Variants in OSBPL9 observed in about 807,000 individuals in gnomAD.
OSBPL9 encodes the protein oxysterol-binding protein-related protein 9.
In OSBPL9, 40 loss-of-function variants were observed where a neutral mutation model predicts 106.6. That is an observed-to-expected ratio of 0.38 (90% CI 0.29 to 0.49). The LOEUF (loss-of-function observed/expected upper bound fraction) is 0.49, where lower values mean the gene tolerates loss of function less well. OSBPL9 is among the 20% of genes least tolerant of loss of function. The pLI is 0.97. For missense variants in OSBPL9, 609 were observed against 887.2 expected, an observed-to-expected ratio of 0.69 and a Z score of 3.98; for synonymous variants, 269 against 295.4, an observed-to-expected ratio of 0.91 and a Z score of 0.92.
At chr1:51,653,156 G>A (rs549225447) in intron 2 of OSBPL9, among the ~76,000 whole-genome samples, 1 of 152,020 alleles carries the variant, frequency 6.6e-6, no homozygotes, top group South Asian at 2.1e-4. Flanking sequence ...GTATATATGT[G>A]ATAGCACAAA....
In OSBPL9 at chr1:51,588,489, G is replaced by T. The variant is rs113262490; in HGVS notation, c.-422-9635G>T. ...GTCTGGGCCACATAGCAAGACCCCT[G>T]TCTCTACTAAAAATTAAAAAATTAG... On this transcript the variant is annotated intron_variant, in intron 1 of 25. Transcript: ENST00000371714. Among the ~76,000 whole-genome samples the T allele has an allele frequency of 1.5e-3, 232 of 152,236 alleles. 1 individual carries two copies. The highest frequency in any genetic ancestry group is 5.2e-3 in the African/African-American group (216 of 41,554).
chr1:51,527,899 G>A, the OSBPL9 span, among the ~76,000 whole-genome samples: 1 of 151,532 alleles, frequency 6.6e-6, no homozygotes, highest in African/African-American at 2.4e-5. Flanking sequence ...GAGCACTTGA[G>A]GTCAGGAGTT....
chr1:51,608,225 C>T (rs1193812713), intron 2 of OSBPL9, among the ~76,000 whole-genome samples: 5 of 152,172 alleles, frequency 3.3e-5, no homozygotes, highest in African/African-American at 1.2e-4. Context: ...GATCATCAGC[C>T]TCAAGTGTCT....
rs1467059448 is a variant in OSBPL9 at position 51,659,480 on chromosome 1, A to C, written c.162+7439A>C. ...TGAGAATTAATGATCTAAACATTAA[A>C]ATTTTAAAATTAGGTAAAGAAAAGA... On this transcript the variant is annotated intron_variant, in intron 2 of 23. Coordinates refer to ENST00000428468, the MANE Select transcript of OSBPL9 (RefSeq NM_024586.6). Among the ~76,000 whole-genome samples the C allele has an allele frequency of 2.1e-4, 32 of 152,088 alleles. 1 individual carries two copies. Among genetic ancestry groups the C allele is most frequent in the Non-Finnish European group, 2.9e-5 (2 of 67,948 alleles).
chr1:51,570,122 C>T, the OSBPL9 span, among the ~76,000 whole-genome samples: 1 of 152,200 alleles, frequency 6.6e-6, no homozygotes, highest in Non-Finnish European at 1.5e-5. Context: ...CGAGGCTCCC[C>T]TGGGTGACCA....
intron 4 of OSBPL9, among the ~76,000 whole-genome samples, chr1:51,723,614 A>T (rs1313782975): frequency 6.6e-6 from 1 of 151,176 alleles, no homozygotes; most frequent in East Asian, 2.0e-4. Context: ...TGGCCCAATC[A>T]TAGCTCATTG....
chr1:51,782,471 G>C, intron 16 of OSBPL9, 88 bp from the exon 17 acceptor site: 1 of 1,028,480 alleles, frequency 9.7e-7, no homozygotes, highest in Middle Eastern at 2.2e-4. Flanking sequence ...GGTGTGTGTA[G>C]AGCGAGCAGA....
intron 2 of OSBPL9, among the ~76,000 whole-genome samples, chr1:51,608,687 G>GC (rs1643965746): frequency 1.3e-5 from 2 of 151,322 alleles, no homozygotes; most frequent in Non-Finnish European, 2.9e-5. Flanking sequence ...TGGGGGGGGG[G>GC]GCTTTCCTGC....
chr1:51,541,376 C>G, the OSBPL9 span, among the ~76,000 whole-genome samples: 2 of 152,202 alleles, frequency 1.3e-5, no homozygotes, highest in Non-Finnish European at 2.9e-5. Context: ...TTGTCATCAT[C>G]TACACTCCAT....
At chr1:51,742,533 A>G (rs1193480133) in intron 4 of OSBPL9, among the ~76,000 whole-genome samples, 1 of 151,134 alleles carries the variant, frequency 6.6e-6, no homozygotes, top group African/African-American at 2.4e-5. Context: ...TTGCGGAGAC[A>G]GGGTCTTGCA....
intron 2 of OSBPL9, among the ~76,000 whole-genome samples, chr1:51,665,868 A>G (rs1330194614): frequency 6.6e-6 from 1 of 151,954 alleles, no homozygotes; most frequent in Non-Finnish European, 1.5e-5. Context: ...GTATATATAT[A>G]TATTTTTTTA....
chr1:51,688,903 C>T (rs911931716), intron 3 of OSBPL9, among the ~76,000 whole-genome samples: 2 of 152,148 alleles, frequency 1.3e-5, no homozygotes, highest in Non-Finnish European at 2.9e-5. Context: ...ATATTAACAG[C>T]TTATGCTAAA....
chr1:51,620,222 A>G (rs772581889), intron 1 of OSBPL9, among the ~76,000 whole-genome samples: 2 of 152,350 alleles, frequency 1.3e-5, no homozygotes, highest in Non-Finnish European at 2.9e-5. Context: ...GCTTATGATC[A>G]CAAAAGAAGA....
At chr1:51,666,007 C>G (rs1648399405) in intron 2 of OSBPL9, among the ~76,000 whole-genome samples, 1 of 152,044 alleles carries the variant, frequency 6.6e-6, no homozygotes, top group Non-Finnish European at 1.5e-5. Flanking sequence ...GCCACCATGC[C>G]TGGCTAATTT....
upstream of OSBPL9, among the ~76,000 whole-genome samples, chr1:51,612,109 G>C (rs540827616): frequency 1.1e-4 from 16 of 152,286 alleles, no homozygotes; most frequent in African/African-American, 2.6e-4. Flanking sequence ...ATTGCTTAGT[G>C]AGTTTTAAAA....
intron 1 of OSBPL9, among the ~76,000 whole-genome samples, chr1:51,648,379 G>T (rs1557636307): frequency 6.6e-6 from 1 of 152,164 alleles, no homozygotes; most frequent in African/African-American, 2.4e-5. Flanking sequence ...CGCATAGAAG[G>T]CACAGGACCA....
chr1:51,680,248 C>A (rs528625112), intron 3 of OSBPL9, among the ~76,000 whole-genome samples: 1 of 151,238 alleles, frequency 6.6e-6, no homozygotes, highest in Admixed American at 6.6e-5. Context: ...GAGTGAGAGA[C>A]CATCTTAAAA....
intron 1 of OSBPL9, among the ~76,000 whole-genome samples, chr1:51,631,409 G>A (rs866651682): frequency 6.6e-6 from 1 of 152,026 alleles, no homozygotes; most frequent in Non-Finnish European, 1.5e-5. Context: ...AAGCATGGTG[G>A]AGTGTACCTG....
At chr1:51,593,267 G>A (rs1645285421) in intron 1 of OSBPL9, among the ~76,000 whole-genome samples, 1 of 152,102 alleles carries the variant, frequency 6.6e-6, no homozygotes, top group Admixed American at 6.6e-5. Context: ...CCTCCTGGAT[G>A]GTTTTTCTGT....
Sources: allele counts gnomAD v4.1 joint callset (sites outside exome capture counted in the v4.1 genomes callset), GRCh38; gene constraint gnomAD v4.1.1; transcripts MANE v1.5; gene names NCBI Gene and HGNC (gene_info 2026-07-23, HGNC 2026-07-21).